Variants in SORBS3 observed in about 807,000 individuals in gnomAD.
The protein encoded by SORBS3 is vinexin.
Under a neutral mutation model 98.0 loss-of-function variants are expected in SORBS3, and 69 were observed. The observed-to-expected ratio is 0.70, with a 90% confidence interval of 0.58 to 0.86. The LOEUF (loss-of-function observed/expected upper bound fraction) is 0.86, where lower values mean the gene tolerates loss of function less well. SORBS3 is among the 40% of genes least tolerant of loss of function. SORBS3 has a pLI of 0.00. For synonymous variants in SORBS3, 394 were observed against 355.4 expected (o/e 1.11, Z -1.22); for missense variants, 954 against 908.5 (o/e 1.05, Z -0.64).
At position 22,567,195 on chromosome 8, in the gene SORBS3, G is replaced by A. The variant is rs988357536; in HGVS notation, c.1305+20G>A. On this transcript the variant is annotated intron_variant, in intron 16 of 20. Transcript: ENST00000240123. Reference sequence around the variant, plus strand: ...GTGGAGGTGAGCAGGAGAGACAAGAGCAAGTGGGGCTGGGCTGGGAGGGCG... The same window carrying A: ...GTGGAGGTGAGCAGGAGAGACAAGAACAAGTGGGGCTGGGCTGGGAGGGCG... 34 of 1,384,330 alleles carry A rather than the reference G, an allele frequency of 2.5e-5. 1 individual carries two copies. Among genetic ancestry groups the A allele is most frequent in the Middle Eastern group, 1.8e-4 (1 of 5,588 alleles). The allele number at this position is 1,384,330 out of a possible 1,614,324, so 85.8% of individuals were successfully genotyped here.
chr8:22,556,862 G>C lies in SORBS3; in HGVS notation c.368G>C (p.Gly123Ala), dbSNP rs750640702. The C allele has an allele frequency of 3.3e-5, 53 of 1,613,318 alleles. No homozygotes were observed. Among genetic ancestry groups the C allele is most frequent in the Non-Finnish European group, 1.6e-5 (19 of 1,180,032 alleles). Residue 123 changes from glycine (G) to alanine (A), a missense_variant, in exon 4 of 21, where the codon GGA (glycine) becomes GCA (alanine). Gly to Ala is a moderately conservative substitution (Grantham distance 60). Coordinates refer to ENST00000240123, the MANE Select transcript of SORBS3 (RefSeq NM_005775.5). ...RRDKRWVKYE[G>A]IGPVDESGMP... ...GACAAGCGCTGGGTCAAGTACGAGG[G>C]AATCGGGCCCGTGGACGAGAGCGGC...
chr8:22,571,625 C>T lies in SORBS3; in HGVS notation c.1744-93C>T, dbSNP rs1840586669. The T allele has an allele frequency of 3.3e-6, 3 of 915,138 alleles. No individual in the cohort carries two copies. The Admixed American group carries it at 5.5e-5, about 17-fold the overall frequency. 56.7% of individuals were successfully genotyped at this position (915,138 alleles called of 1,614,324 possible). ...TTTGTAAGGCGTGCTGGCAGGTGGA[C>T]TGGGAACGCCCATTTTGGGCCTCCT... On this transcript the variant is annotated intron_variant, in intron 18 of 20. Transcript: ENST00000240123.
chr8:22,569,943 TATA>T (rs1840528164), intron 17 of SORBS3, among the ~76,000 whole-genome samples: 1 of 152,218 alleles, frequency 6.6e-6, no homozygotes, highest in African/African-American at 2.4e-5. Context: ...TTTTTAAAGG[TATA>T]GACAGAAATG....
chr8:22,557,847 G>T (rs187287407), intron 4 of SORBS3, among the ~76,000 whole-genome samples: 1 of 152,190 alleles, frequency 6.6e-6, no homozygotes, highest in African/African-American at 2.4e-5. Flanking sequence ...AGAAACACTA[G>T]ACATAAAGAA....
In SORBS3 at chr8:22,564,029, C is replaced by A; in HGVS notation, c.627C>A (p.Phe209Leu). The stretch of plus-strand genomic sequence containing the variant: ...CTGAAGAGTTACCTAGAAGCACCTT[C>A]AACTACAGACCTGGAGCATTCTCCA... ...DHSEELPRST[F>L]NYRPGAFSTV... Residue 209 changes from phenylalanine to leucine, a missense_variant, in exon 8 of 21, where the codon TTC (phenylalanine) becomes TTA (leucine). Phe to Leu is a conservative substitution (Grantham distance 22, BLOSUM62 0). Transcript: ENST00000240123. 1 of 1,614,032 alleles carries A rather than the reference C, an allele frequency of 6.2e-7. No individual in the cohort carries two copies. Among genetic ancestry groups the A allele is most frequent in the East Asian group, 2.2e-5 (1 of 44,884 alleles).
intron 3 of SORBS3, among the ~76,000 whole-genome samples, chr8:22,555,211 T>TC (rs1462047104): frequency 6.6e-6 from 1 of 152,122 alleles, no homozygotes; most frequent in Non-Finnish European, 1.5e-5. Flanking sequence ...TCCCCTGCCC[T>TC]CCAGCCTGGT....
At position 22,571,094 on chromosome 8, in the gene SORBS3, C is replaced by T; in HGVS notation, c.1616C>T (p.Ser539Leu). 5.0e-6 allele frequency: 8 copies of T among 1,611,158 alleles called. No homozygotes were observed. Among genetic ancestry groups the T allele is most frequent in the Non-Finnish European group, 6.8e-6 (8 of 1,179,508 alleles). The change falls in exon 18 of 21, where the codon TCA becomes TTA. Residue 539 changes from serine to leucine, a missense_variant. Physicochemically the swap from Ser to Leu is moderately radical, Grantham distance 145. Transcript: ENST00000240123. Reference protein sequence around the residue: ...TSPRLTAAARSARHPSSPSAL... With the variant: ...TSPRLTAAARLARHPSSPSAL... ...CCCCGCCTGACCGCTGCCGCCCGCT[C>T]AGCCCGTCACCCCAGCTCCCCCTCA...
chr8:22,562,686 C>G (rs1217521979), intron 7 of SORBS3, among the ~76,000 whole-genome samples: 1 of 152,166 alleles, frequency 6.6e-6, no homozygotes, highest in Non-Finnish European at 1.5e-5. Context: ...ACTGTGGGTA[C>G]CTCACTCAGT....
At chr8:22,552,143 C>G (rs1245566795) in intron 1 of SORBS3, 121 bp downstream of exon 1, 2 of 840,040 alleles carry the variant, frequency 2.4e-6, no homozygotes, top group Non-Finnish European at 2.9e-6. Context: ...TGGGAAGTAC[C>G]TCCCACCAGC....
chr8:22,572,227 G>A (rs1294616468), intron 19 of SORBS3, 113 bp from the exon 20 acceptor site: 1 of 833,254 alleles, frequency 1.2e-6, no homozygotes, highest in Non-Finnish European at 2.0e-6. Context: ...TGAGGAGCTG[G>A]ATCAGGGGCT....
rs563110302 is a variant in SORBS3 at position 22,564,092 on chromosome 8, A to G, written c.675+15A>G. ...CCTCAAATCAGGTAGCCCACCCAGC[A>G]TAGTCCCTGGTCAGCCCCAGCTGTA... On this transcript the variant is annotated intron_variant, in intron 8 of 20. Coordinates refer to ENST00000240123, the MANE Select transcript of SORBS3 (RefSeq NM_005775.5). 1.9e-6 allele frequency: 3 copies of G among 1,611,574 alleles called. No homozygotes were observed. The African/African-American group carries it at 4.0e-5, about 21-fold the overall frequency.
upstream of SORBS3, chr8:22,551,793 C>A: frequency 4.1e-6 from 4 of 985,800 alleles, no homozygotes; most frequent in Non-Finnish European, 4.8e-6. This position sits in a 1 kb window ranked among gnomAD's most constrained non-coding sequence, Gnocchi z 5.8. Flanking sequence ...CCGCCCGCCC[C>A]GCCGCGCGAC....
upstream of SORBS3, among the ~76,000 whole-genome samples, chr8:22,549,013 G>A (rs1277934196): frequency 1.3e-5 from 2 of 152,228 alleles, no homozygotes; most frequent in African/African-American, 4.8e-5. Flanking sequence ...CCCTGTTGAC[G>A]GTGATGTTGG....
intron 12 of SORBS3, chr8:22,566,098 C>T: frequency 3.5e-6 from 2 of 575,422 alleles, no homozygotes; most frequent in Middle Eastern, 5.1e-4. Context: ...TCGCGGCCGC[C>T]GGGGGCGCAG....
At chr8:22,572,271 A>T (rs1249418111) in intron 19 of SORBS3, 69 bp from the exon 20 acceptor site, 1 of 1,292,138 alleles carries the variant, frequency 7.7e-7, no homozygotes, top group Non-Finnish European at 1.1e-6. Flanking sequence ...GGGCATTCAC[A>T]GGAAGCGGCA....
intron 3 of SORBS3, 95 bp from the exon 4 acceptor site, chr8:22,556,620 C>A (rs1448042709): frequency 9.2e-7 from 1 of 1,092,478 alleles, no homozygotes; most frequent in Non-Finnish European, 1.4e-6. Flanking sequence ...AAACTTTGAA[C>A]CCACAGAGAT....
At chr8:22,571,910 C>CTGTGGATT in intron 19 of SORBS3, 89 bp downstream of exon 19, 1 of 970,418 alleles carries the variant, frequency 1.0e-6, no homozygotes, top group East Asian at 2.4e-5. Context: ...AAGTCCCCAC[C>CTGTGGATT]TGTGGATTTG....
intron 1 of SORBS3, among the ~76,000 whole-genome samples, chr8:22,552,956 C>T (rs1403986246): frequency 3.3e-5 from 5 of 152,178 alleles, no homozygotes; most frequent in Non-Finnish European, 7.4e-5. Flanking sequence ...CAGGCATGGG[C>T]ACAGAAGAGC....
chr8:22,565,426 C>A, intron 11 of SORBS3, 72 bp downstream of exon 11: 3 of 1,286,352 alleles, frequency 2.3e-6, no homozygotes, highest in Non-Finnish European at 2.1e-6. Flanking sequence ...GGAGCCTCGG[C>A]GGCTGGGCTG....
Sources: gnomAD v4.1 joint callset for allele counts (sites outside exome capture counted in the v4.1 genomes callset) on GRCh38, gnomAD v4.1.1 for gene constraint, Gnocchi (gnomAD v3.1) non-coding constraint, MANE v1.5 for transcripts, NCBI Gene and HGNC (gene_info 2026-07-23, HGNC 2026-07-21) for gene names.